The following SACS variants were observed in gnomAD, a reference collection of about 807,000 sequenced individuals.
The protein encoded by SACS is sacsin.
SACS carries 197 observed loss-of-function variants against 348.0 expected under a neutral mutation model. The observed-to-expected ratio is 0.57, with a 90% CI of 0.50 to 0.64. The LOEUF is 0.64. Ranked by LOEUF, SACS falls within the 30% of genes least tolerant of loss-of-function variation. SACS has a pLI of 0.00. For synonymous variants in SACS, 1,985 were observed against 1,910.6 expected, an observed-to-expected ratio of 1.04 and a Z score of -1.02; for missense variants, 4,999 against 5,360.8, an observed-to-expected ratio of 0.93 and a Z score of 2.11.
At position 23,337,269 on chromosome 13, in the gene SACS, C is replaced by T. The variant is rs1868714178; in HGVS notation, c.6607G>A (p.Ala2203Thr). Residue 2203 changes from alanine (A) to threonine (T), a missense_variant, in exon 10 of 10, where the codon GCA becomes ACA. Ala to Thr is a moderately conservative substitution (Grantham distance 58). Coordinates refer to ENST00000382292, the MANE Select transcript of SACS (RefSeq NM_014363.6). ...TGATATTTTGCAGCAAAATCCTTTG[C>T]TCTAGGATCCCTTATTTTTAGTTTC... Reference protein sequence around the residue: ...DEKLKIRDPRAKDFAAKYQTI... With the variant: ...DEKLKIRDPRTKDFAAKYQTI... 6.2e-7 allele frequency: 1 copy of T among 1,613,744 alleles called. No homozygotes were observed. The highest frequency in any genetic ancestry group is 1.3e-5 in the African/African-American group (1 of 75,008).
At position 23,331,656 on chromosome 13, in the gene SACS, CAA is replaced by C. The variant is rs1555249648; in HGVS notation, c.12218_12219del (p.Phe4073CysfsTer8). On this transcript the variant is annotated frameshift_variant, in exon 10 of 10. Coordinates refer to ENST00000382292, the MANE Select transcript of SACS (RefSeq NM_014363.6). LOFTEE classifies it high-confidence loss of function. ...GCATTACCAAATCGCTTCAAAAAAG[CAA>C]AAGTTTCACTTCTGCTGTGGGGAAT... ...NPIPHSRSET[F>X]AFLKRFGNAV... is the part of the protein sequence containing the mutation. 1 of 1,613,904 alleles carries C rather than the reference CAA, an allele frequency of 6.2e-7. No homozygotes were observed. Among genetic ancestry groups the C allele is most frequent in the Non-Finnish European group, 8.5e-7 (1 of 1,179,922 alleles).
intron 2 of SACS, among the ~76,000 whole-genome samples, chr13:23,399,879 G>T (rs188774389): frequency 4.6e-5 from 7 of 151,834 alleles, no homozygotes; most frequent in African/African-American, 1.7e-4. Context: ...TTCCAACCCT[G>T]CCATAAACTT....
chr13:23,377,448 A>G (rs1197007255), intron 2 of SACS, among the ~76,000 whole-genome samples: 2 of 152,126 alleles, frequency 1.3e-5, no homozygotes, highest in Non-Finnish European at 2.9e-5. Context: ...CTCTTCCTAC[A>G]ATGTACTCAG....
intron 9 of SACS, among the ~76,000 whole-genome samples, chr13:23,351,235 T>G (rs1298829694): frequency 6.6e-6 from 1 of 152,216 alleles, no homozygotes; most frequent in African/African-American, 2.4e-5. Flanking sequence ...TATCAAAAAC[T>G]AATTTTTGTC....
intron 2 of SACS, among the ~76,000 whole-genome samples, chr13:23,396,495 C>T (rs1463148750): frequency 1.3e-5 from 2 of 151,944 alleles, no homozygotes; most frequent in Admixed American, 1.3e-4. Flanking sequence ...TAAATATAAG[C>T]ATTATTCTTG....
intron 1 of SACS, among the ~76,000 whole-genome samples, chr13:23,422,888 T>G (rs1439785355): frequency 6.6e-6 from 1 of 152,176 alleles, no homozygotes; most frequent in Non-Finnish European, 1.5e-5. Context: ...TAGGCCTATA[T>G]ATGAACATAT....
rs114138688 is a variant in SACS, at chr13:23,382,886, A to C, written c.21-7617T>G. ...AGCCTCAAACTCCTGGGCTGAAGAG[A>C]TCTTCCCACCTCAGTCTCCTGGGTA... On this transcript the variant is annotated intron_variant, in intron 2 of 9. Coordinates refer to ENST00000382292, the MANE Select transcript of SACS (RefSeq NM_014363.6). Among the ~76,000 whole-genome samples, 701 of 147,672 alleles carry C rather than the reference A, an allele frequency of 4.7e-3. 7 individuals carry two copies. Among genetic ancestry groups the C allele is most frequent in the African/African-American group, 0.016 (648 of 40,004 alleles).
At chr13:23,428,388 T>C (rs964644297) in intron 1 of SACS, 2 of 152,116 alleles carry the variant, frequency 1.3e-5, no homozygotes, top group Admixed American at 1.3e-4. Context: ...GGTTTAAAAA[T>C]AGAATATTTG....
Position 23,339,843 on chromosome 13 carries a change from G to A in SACS, c.4033C>T (p.Gln1345Ter), listed in dbSNP as rs754977899. ...VIQKIYLKSDQDLSEQESKQN... is the reference protein window; with the variant it reads ...VIQKIYLKSD The stretch of plus-strand genomic sequence containing the variant: ...TTGCTTTCTTGTTCACTGAGATCTT[G>A]GTCACTTTTGAGATATATCTTCTGA... Residue 1345 changes from glutamine (Q) to a stop codon, truncating the protein, a stop_gained, in exon 10 of 10, where the codon CAA becomes TAA. Transcript: ENST00000382292. LOFTEE classifies it high-confidence loss of function. 6.2e-7 allele frequency: 1 copy of A among 1,613,116 alleles called. No homozygotes were observed. The highest frequency in any genetic ancestry group is 8.5e-7 in the Non-Finnish European group (1 of 1,179,562).
chr13:23,330,026 G>T lies in SACS; in HGVS notation c.*110C>A. ...CTCCAGAATTCTCCAAGAACAATCT[G>T]CAATGTGCTTAACAATTCCTAGCTA... On this transcript the variant is annotated 3_prime_UTR_variant, in exon 10 of 10. Coordinates refer to ENST00000382292, the MANE Select transcript of SACS (RefSeq NM_014363.6). The T allele has an allele frequency of 1.0e-6, 1 of 968,852 alleles. No homozygotes were observed. Among genetic ancestry groups the T allele is most frequent in the Non-Finnish European group, 1.6e-6 (1 of 629,398 alleles). The allele number at this position is 968,852 out of a possible 1,614,324, so 60.0% of individuals were successfully genotyped here.
At chr13:23,395,472 C>T (rs894109100) in intron 2 of SACS, among the ~76,000 whole-genome samples, 1 of 152,130 alleles carries the variant, frequency 6.6e-6, no homozygotes, top group Admixed American at 6.6e-5. Flanking sequence ...CACCTTTGAT[C>T]TTCCCTTCAG....
chr13:23,393,411 C>T (rs540215583), intron 2 of SACS, among the ~76,000 whole-genome samples: 1 of 152,310 alleles, frequency 6.6e-6, no homozygotes, highest in African/African-American at 2.4e-5. Context: ...GTTACTGGCA[C>T]TAGGTCATGG....
rs866488144 is a variant in SACS at position 23,334,471 on chromosome 13, T to C, written c.9405A>G (p.Leu3135=). ...NLKLFHSLKL[L]VDYCFKDAEE... ...CTGCATCTTTAAAACAATAATCAAC[T>C]AAAAGTTTTAAACTATGAAAAAGTT... The change falls in exon 10 of 10, where the codon TTA becomes TTG. Residue 3135 remains leucine (L), a synonymous_variant. Coordinates refer to ENST00000382292, the MANE Select transcript of SACS (RefSeq NM_014363.6). The C allele has an allele frequency of 1.5e-5, 24 of 1,612,694 alleles. No individual in the cohort carries two copies. The Middle Eastern group carries it at 3.6e-3, about 244-fold the overall frequency.
At chr13:23,343,142 A>AC (rs1327503835) in intron 9 of SACS, among the ~76,000 whole-genome samples, 2 of 152,162 alleles carry the variant, frequency 1.3e-5, no homozygotes, top group African/African-American at 4.8e-5. Flanking sequence ...CACTCAGAAG[A>AC]TATTTCCTTG....
In SACS at chr13:23,334,702, C is replaced by T; in HGVS notation, c.9174G>A (p.Leu3058=). 6.2e-7 allele frequency: 1 copy of T among 1,613,734 alleles called. No homozygotes were observed. The highest frequency in any genetic ancestry group is 1.1e-5 in the South Asian group (1 of 91,070). The change falls in exon 10 of 10, where the codon CTG becomes CTA. Residue 3058 remains leucine (L), a synonymous_variant. Coordinates refer to ENST00000382292, the MANE Select transcript of SACS (RefSeq NM_014363.6). ...RKTVAENVYR[L]KHLLLEIGFN... is the part of the protein sequence containing the mutation. ...AACCAATTTCTAAAAGGAGATGTTT[C>T]AGCCTATAGACATTCTCTGCTACTG... is the stretch of plus-strand genomic sequence containing the variant.
intron 7 of SACS, among the ~76,000 whole-genome samples, chr13:23,357,276 G>C (rs1486690304): frequency 6.6e-6 from 1 of 152,070 alleles, no homozygotes; most frequent in Non-Finnish European, 1.5e-5. Context: ...AGACTTGTGG[G>C]ATAACTTACA....
chr13:23,407,985 C>CT (rs1307586979), intron 2 of SACS, among the ~76,000 whole-genome samples: 7 of 152,190 alleles, frequency 4.6e-5, no homozygotes, highest in Non-Finnish European at 1.0e-4. Context: ...TGCACATTGG[C>CT]TGTGAATCCT....
At position 23,329,897 on chromosome 13, in the gene SACS, A is replaced by G; in HGVS notation, c.*239T>C. Reference sequence around the variant, plus strand: ...TGCAGTTCAATGATGTATCATCCCAATCATTCAAATCCATCCAGCTATTTT... The same window carrying G: ...TGCAGTTCAATGATGTATCATCCCAGTCATTCAAATCCATCCAGCTATTTT... On this transcript the variant is annotated 3_prime_UTR_variant, in exon 10 of 10. Coordinates refer to ENST00000382292, the MANE Select transcript of SACS (RefSeq NM_014363.6). 1 of 554,114 alleles carries G rather than the reference A, an allele frequency of 1.8e-6. No homozygotes were observed. The highest frequency in any genetic ancestry group is 3.2e-5 in the East Asian group (1 of 31,478). 34.3% of individuals were successfully genotyped at this position (554,114 alleles called of 1,614,324 possible). A position where few individuals can be genotyped will look rare whatever the true frequency, so the allele number is the denominator to read the frequency against.
chr13:23,408,112 A>C (rs1479478610), intron 2 of SACS, among the ~76,000 whole-genome samples: 2 of 152,190 alleles, frequency 1.3e-5, no homozygotes, highest in Non-Finnish European at 2.9e-5. Context: ...AATAGGTGTC[A>C]GAATATGATT....
Sources: allele counts gnomAD v4.1 joint callset (sites outside exome capture counted in the v4.1 genomes callset), GRCh38; gene constraint gnomAD v4.1.1; transcripts MANE v1.5; gene names NCBI Gene and HGNC (gene_info 2026-07-23, HGNC 2026-07-21).